Variants in ZFHX2 observed in about 807,000 individuals in gnomAD.
The protein encoded by ZFHX2 is zinc finger homeobox 2.
Under a neutral mutation model 164.8 loss-of-function variants are expected in ZFHX2, and 75 were observed. The observed-to-expected ratio is 0.46, with a 90% confidence interval of 0.38 to 0.55. ZFHX2 has a LOEUF of 0.55. Ranked by LOEUF, ZFHX2 falls within the 20% of genes least tolerant of loss-of-function variation. The pLI, the probability that ZFHX2 is intolerant of heterozygous loss-of-function variation, is 0.00. For missense variants in ZFHX2, 2,933 were observed against 3,308.0 expected (o/e 0.89, Z 2.78); for synonymous variants, 1,217 against 1,351.4 (o/e 0.90, Z 2.18).
intron 1 of ZFHX2, among the ~76,000 whole-genome samples, chr14:23,536,845 T>G (rs1880201835): frequency 6.6e-6 from 1 of 152,084 alleles, no homozygotes; most frequent in African/African-American, 2.4e-5. Context: ...GGACTAGAAA[T>G]GAGGATTCCA....
intron 5 of ZFHX2, 74 bp downstream of exon 5, chr14:23,530,046 C>T: frequency 3.7e-6 from 5 of 1,365,774 alleles, no homozygotes; most frequent in Middle Eastern, 3.5e-4. Context: ...CATTGCTGGG[C>T]TCCTGGATTA....
chr14:23,544,452 T>C (rs1440133266), intron 1 of ZFHX2, among the ~76,000 whole-genome samples: 1 of 152,204 alleles, frequency 6.6e-6, no homozygotes, highest in African/African-American at 2.4e-5. Flanking sequence ...TTTGATTGTA[T>C]GTGGGGCAGC....
intron 6 of ZFHX2, chr14:23,529,391 C>CTTTTGCCTT (rs960269396): frequency 3.0e-6 from 1 of 329,494 alleles, no homozygotes; most frequent in Non-Finnish European, 5.7e-6. Flanking sequence ...TGGTTGTTTG[C>CTTTTGCCTT]TTTTGCCTTT....
intron 1 of ZFHX2, chr14:23,543,250 A>T (rs1881023693): frequency 6.6e-6 from 1 of 152,246 alleles, no homozygotes; most frequent in Non-Finnish European, 1.5e-5. Flanking sequence ...CTGATGCAAT[A>T]GATGTAGCTA....
At position 23,535,345 on chromosome 14, in the gene ZFHX2, G is replaced by A. The variant is rs1037785922; in HGVS notation, c.-20C>T. 13 of 1,443,464 alleles carry A rather than the reference G, an allele frequency of 9.0e-6. No homozygotes were observed. The African/African-American group carries it at 1.9e-4, about 21-fold the overall frequency. 89.4% of individuals were successfully genotyped at this position (1,443,464 alleles called of 1,614,324 possible). On this transcript the variant is annotated 5_prime_UTR_variant, in exon 2 of 10. Transcript: ENST00000419474. The surrounding 1 kb of genome is among the most constrained non-coding windows in gnomAD (Gnocchi z 4.5). ...GGCCATGGTAGACGGAGGAGTGCTG[G>A]GGGCTCATGTCAGCGTGACAGCCAG... is the stretch of plus-strand genomic sequence containing the variant.
upstream of ZFHX2, among the ~76,000 whole-genome samples, chr14:23,552,014 ATG>A (rs1392091945): frequency 3.3e-5 from 5 of 151,944 alleles, no homozygotes; most frequent in Non-Finnish European, 7.4e-5. Context: ...GAAACCATAC[ATG>A]TGTTTTGTTG....
intron 1 of ZFHX2, chr14:23,542,961 C>T (rs1027715668): frequency 1.2e-4 from 19 of 152,126 alleles, no homozygotes; most frequent in African/African-American, 4.6e-4. Context: ...GTCTCTATCT[C>T]CTGACTACCT....
chr14:23,530,569 T>C (rs1245967127), intron 4 of ZFHX2: 1 of 430,830 alleles, frequency 2.3e-6, no homozygotes, highest in African/African-American at 2.1e-5. Flanking sequence ...CTTGGCTGAA[T>C]GGAAGCAGCT....
chr14:23,524,985 T>C lies in ZFHX2; in HGVS notation c.4957A>G (p.Asn1653Asp). 1 of 1,536,082 alleles carries C rather than the reference T, an allele frequency of 6.5e-7. No homozygotes were observed. Among genetic ancestry groups the C allele is most frequent in the Non-Finnish European group, 8.7e-7 (1 of 1,146,892 alleles). Reference protein sequence around the residue: ...FQNARQKARKNACEGGSMPTG... With the variant: ...FQNARQKARKDACEGGSMPTG... ...GGCATGGACCCACCCTCACAGGCAT[T>C]TTTGCGTGCTTTCTGGCGGGCATTC... is the stretch of plus-strand genomic sequence containing the variant. The change falls in exon 9 of 10, where the codon AAT becomes GAT. Residue 1653 changes from asparagine (N) to aspartate (D), a missense_variant. Physicochemically the swap from Asn to Asp is conservative, Grantham distance 23. Transcript: ENST00000419474. This position sits in a 1 kb window ranked among gnomAD's most constrained non-coding sequence, Gnocchi z 5.6.
Position 23,522,792 on chromosome 14 carries a change from C to T in ZFHX2, c.6889G>A (p.Val2297Ile). The stretch of plus-strand genomic sequence containing the variant: ...AAGGGCTCAGTAGGAGGGCCTGGGA[C>T]AGGGTCAGTGGTGCCTGCTGTGGAG... ...NTSTAGTTDPVPGPPTEPLGD... is the reference protein window; with the variant it reads ...NTSTAGTTDPIPGPPTEPLGD... The change falls in exon 10 of 10, where the codon GTC (valine) becomes ATC (isoleucine). Residue 2297 changes from valine to isoleucine, a missense_variant. Coordinates refer to ENST00000419474, the MANE Select transcript of ZFHX2 (RefSeq NM_033400.3). 6.5e-7 allele frequency: 1 copy of T among 1,536,320 alleles called. No homozygotes were observed. The highest frequency in any genetic ancestry group is 8.7e-7 in the Non-Finnish European group (1 of 1,146,880).
At position 23,526,232 on chromosome 14, in the gene ZFHX2, G is replaced by A; in HGVS notation, c.3710C>T (p.Pro1237Leu). The change falls in exon 9 of 10, where the codon CCA becomes CTA. Residue 1237 changes from proline to leucine, a missense_variant. Coordinates refer to ENST00000419474, the MANE Select transcript of ZFHX2 (RefSeq NM_033400.3). ...GTCTGTGGCAGCAGTGGTGGTGGGT[G>A]GGGCACCGGCCTCTCCCCGTGCAGG... is the stretch of plus-strand genomic sequence containing the variant. ...SAPARGEAGA[P>L]PTTTAATDKP... 1 of 1,536,354 alleles carries A rather than the reference G, an allele frequency of 6.5e-7. No homozygotes were observed. Among genetic ancestry groups the A allele is most frequent in the Non-Finnish European group, 8.7e-7 (1 of 1,146,916 alleles).
intron 1 of ZFHX2, among the ~76,000 whole-genome samples, chr14:23,549,262 G>A (rs141428363): frequency 9.9e-4 from 151 of 151,820 alleles, no homozygotes; most frequent in African/African-American, 3.5e-3. Context: ...CCCTTCCTTT[G>A]CACATCCCTC....
upstream of ZFHX2, among the ~76,000 whole-genome samples, chr14:23,552,765 C>T (rs1882071003): frequency 6.6e-6 from 1 of 151,806 alleles, no homozygotes; most frequent in Non-Finnish European, 1.5e-5. Context: ...CCATGCCCTG[C>T]TAATTTTGTA....
At position 23,525,175 on chromosome 14, in the gene ZFHX2, G is replaced by A; in HGVS notation, c.4767C>T (p.Pro1589=). 3 of 1,536,130 alleles carry A rather than the reference G, an allele frequency of 2.0e-6. No homozygotes were observed. In the South Asian group the frequency reaches 3.6e-5, roughly 18 times the overall value. ...AGAACCGGCGGCCGGCAGGCACCAG[G>A]GGAGGAAGATTCCCTCTGGAGCTTT... ...EEESSRGNLP[P]LVPAGRRFSR... The change falls in exon 9 of 10, where the codon CCC becomes CCT. Residue 1589 remains proline (P), a synonymous_variant. Transcript: ENST00000419474. This position sits in a 1 kb window ranked among gnomAD's most constrained non-coding sequence, Gnocchi z 5.9.
Position 23,527,876 on chromosome 14 carries a change from A to G in ZFHX2, c.2935-72T>C, listed in dbSNP as rs868391801. ...GACCCACCATCACATAGTCCTTTGG[A>G]TGCAGCACTGGCCCGCCCCCACTCC... On this transcript the variant is annotated intron_variant, in intron 6 of 9. Transcript: ENST00000419474. 64 of 749,054 alleles carry G rather than the reference A, an allele frequency of 8.5e-5. 1 individual carries two copies. In the Middle Eastern group the frequency reaches 1.2e-3, roughly 14 times the overall value. 46.4% of individuals were successfully genotyped at this position (749,054 alleles called of 1,614,324 possible).
Position 23,546,243 on chromosome 14 carries a change from G to A in ZFHX2, c.-50+5100C>T, listed in dbSNP as rs568270298. 1.1e-4 allele frequency among the ~76,000 whole-genome samples: 16 copies of A among 152,306 alleles called. No individual in the cohort carries two copies. Among genetic ancestry groups the A allele is most frequent in the Non-Finnish European group, 7.4e-5 (5 of 68,026 alleles). On this transcript the variant is annotated intron_variant, in intron 1 of 9. Transcript: ENST00000419474. This position sits in a 1 kb window ranked among gnomAD's most constrained non-coding sequence, Gnocchi z 4.7. ...AGGCCCCTGTGCATGCGACATTCCA[G>A]TTGATGGTCCTGCTGGGAATTCCAA...
chr14:23,537,497 C>T (rs1880311406), intron 1 of ZFHX2, among the ~76,000 whole-genome samples: 1 of 152,162 alleles, frequency 6.6e-6, no homozygotes, highest in Non-Finnish European at 1.5e-5. Flanking sequence ...TCTGGCCCCA[C>T]CCAACCTGAA....
At chr14:23,547,845 GC>G (rs1021104910) in intron 1 of ZFHX2, among the ~76,000 whole-genome samples, 1 of 152,178 alleles carries the variant, frequency 6.6e-6, no homozygotes, top group Admixed American at 6.5e-5. Context: ...TGTGCTAGGT[GC>G]TGGAAAACAA....
At chr14:23,540,147 C>T (rs1034758532) in intron 1 of ZFHX2, among the ~76,000 whole-genome samples, 15 of 152,132 alleles carry the variant, frequency 9.9e-5, no homozygotes, top group Admixed American at 3.9e-4. Context: ...TGTGCCACCA[C>T]GCCCAGCTAA....
Sources: allele counts gnomAD v4.1 joint callset (sites outside exome capture counted in the v4.1 genomes callset), GRCh38; gene constraint gnomAD v4.1.1; non-coding constraint Gnocchi (gnomAD v3.1); transcripts MANE v1.5; gene names NCBI Gene and HGNC (gene_info 2026-07-23, HGNC 2026-07-21).